SLC7A14: variants seen among roughly 807,000 people sequenced by gnomAD.
The protein encoded by SLC7A14 is solute carrier family 7 member 14.
Under a neutral mutation model 60.2 loss-of-function variants are expected in SLC7A14, and 37 were observed. That is an observed-to-expected ratio of 0.61 (90% CI 0.47 to 0.81). The LOEUF (loss-of-function observed/expected upper bound fraction) is 0.81, where lower values mean the gene tolerates loss of function less well. Among genes scored for constraint, SLC7A14 ranks in the 30% least tolerant of loss-of-function variants. SLC7A14 has a pLI of 0.00. For synonymous variants in SLC7A14, 399 were observed against 395.8 expected, an observed-to-expected ratio of 1.01 and a Z score of -0.10; for missense variants, 886 against 982.7, an observed-to-expected ratio of 0.90 and a Z score of 1.32.
chr3:170,476,236 A>T (rs757245927), intron 7 of SLC7A14, among the ~76,000 whole-genome samples: 19 of 152,236 alleles, frequency 1.2e-4, no homozygotes, highest in Non-Finnish European at 2.2e-4. Context: ...ACCCAGGGTG[A>T]TACTGATGTG....
At chr3:170,487,329 T>C (rs544761867) in intron 4 of SLC7A14, among the ~76,000 whole-genome samples, 28 of 151,558 alleles carry the variant, frequency 1.8e-4, no homozygotes, top group Admixed American at 5.3e-4. Flanking sequence ...AGTATTTTCA[T>C]TGTTAGCTCT....
chr3:170,554,518 G>A (rs1043083131), intron 1 of SLC7A14, among the ~76,000 whole-genome samples: 7 of 152,166 alleles, frequency 4.6e-5, no homozygotes, highest in Admixed American at 4.6e-4. Flanking sequence ...TCTCCACAAA[G>A]AGCCAGCACT....
At chr3:170,584,066 C>T (rs1715307918) in intron 1 of SLC7A14, among the ~76,000 whole-genome samples, 1 of 152,142 alleles carries the variant, frequency 6.6e-6, no homozygotes, top group African/African-American at 2.4e-5. Flanking sequence ...GTTTCTGTTT[C>T]CTTCTCTGTG....
chr3:170,531,215 G>T (rs1170194753), intron 1 of SLC7A14, among the ~76,000 whole-genome samples: 1 of 152,010 alleles, frequency 6.6e-6, no homozygotes. Flanking sequence ...GTTTTCCACA[G>T]GAGGCCACTA....
At chr3:170,552,733 C>T (rs1714384498) in intron 1 of SLC7A14, among the ~76,000 whole-genome samples, 1 of 152,192 alleles carries the variant, frequency 6.6e-6, no homozygotes, top group South Asian at 2.1e-4. Flanking sequence ...TCTTCTGCAT[C>T]CTTTTGCCTG....
chr3:170,517,715 T>G (rs919102651), intron 2 of SLC7A14, among the ~76,000 whole-genome samples: 1 of 152,170 alleles, frequency 6.6e-6, no homozygotes, highest in Admixed American at 6.5e-5. Context: ...TGGAGAGACA[T>G]CTGCTCAACA....
intron 1 of SLC7A14, among the ~76,000 whole-genome samples, chr3:170,573,698 A>G (rs1715010529): frequency 6.6e-6 from 1 of 152,246 alleles, no homozygotes; most frequent in Non-Finnish European, 1.5e-5. Flanking sequence ...AACAGAGAGA[A>G]CAAGACCCTG....
chr3:170,506,546 C>A (rs1455389179), intron 2 of SLC7A14, among the ~76,000 whole-genome samples: 1 of 152,134 alleles, frequency 6.6e-6, no homozygotes, highest in African/African-American at 2.4e-5. Context: ...AAATATGGTC[C>A]TTTTCAATGT....
chr3:170,549,814 C>T (rs757123704), intron 1 of SLC7A14, among the ~76,000 whole-genome samples: 15 of 152,130 alleles, frequency 9.9e-5, no homozygotes, highest in East Asian at 1.9e-4. Context: ...TAAAAATCAC[C>T]TCTCAAACCA....
At chr3:170,561,267 GCTT>G (rs1714640615) in intron 1 of SLC7A14, among the ~76,000 whole-genome samples, 1 of 152,212 alleles carries the variant, frequency 6.6e-6, no homozygotes, top group South Asian at 2.1e-4. Flanking sequence ...AGCCTAGCAA[GCTT>G]CTTGCAGCAA....
At chr3:170,527,680 G>C (rs1713554148) in intron 1 of SLC7A14, among the ~76,000 whole-genome samples, 1 of 152,066 alleles carries the variant, frequency 6.6e-6, no homozygotes, top group Non-Finnish European at 1.5e-5. Flanking sequence ...AAAATGTTTT[G>C]GGAATTTTTT....
chr3:170,477,662 A>T (rs573642911), intron 7 of SLC7A14, among the ~76,000 whole-genome samples: 39 of 152,250 alleles, frequency 2.6e-4, no homozygotes, highest in South Asian at 8.3e-4. Flanking sequence ...TAAAAAAGTC[A>T]TCTATAGTCT....
intron 1 of SLC7A14, among the ~76,000 whole-genome samples, chr3:170,543,970 G>A (rs990475285): frequency 6.6e-6 from 1 of 151,674 alleles, no homozygotes; most frequent in African/African-American, 2.4e-5. Flanking sequence ...GGCTGGTCTC[G>A]AACTCCTGAC....
At chr3:170,566,786 G>T (rs1406780743) in intron 1 of SLC7A14, among the ~76,000 whole-genome samples, 1 of 151,058 alleles carries the variant, frequency 6.6e-6, no homozygotes, top group Non-Finnish European at 1.5e-5. Context: ...AAAAAATTCT[G>T]GTGAGGATCA....
At chr3:170,572,710 T>G (rs2108315855) in intron 1 of SLC7A14, among the ~76,000 whole-genome samples, 1 of 152,380 alleles carries the variant, frequency 6.6e-6, no homozygotes, top group Middle Eastern at 3.4e-3. Context: ...AGTTAAATTC[T>G]CTACTGGCAT....
intron 4 of SLC7A14, chr3:170,495,755 C>G: frequency 8.4e-7 from 1 of 1,185,514 alleles, no homozygotes; most frequent in Non-Finnish European, 1.3e-6. Flanking sequence ...TTGCCTCCTT[C>G]ATCGACAAGG....
At chr3:170,505,243 T>C (rs1004561935) in intron 2 of SLC7A14, among the ~76,000 whole-genome samples, 1 of 152,166 alleles carries the variant, frequency 6.6e-6, no homozygotes, top group African/African-American at 2.4e-5. Flanking sequence ...AACAACAATG[T>C]TATTCATGGA....
intron 1 of SLC7A14, among the ~76,000 whole-genome samples, chr3:170,554,578 T>C (rs1053229918): frequency 5.3e-5 from 8 of 152,280 alleles, no homozygotes; most frequent in African/African-American, 1.7e-4. Flanking sequence ...ATTCACCTGC[T>C]TCAGCCTTCA....
At chr3:170,552,330 T>C (rs747214489) in intron 1 of SLC7A14, among the ~76,000 whole-genome samples, 1 of 152,194 alleles carries the variant, frequency 6.6e-6, no homozygotes, top group African/African-American at 2.4e-5. Context: ...CCTCACATTG[T>C]TGGGCATTGA....
Sources: gnomAD v4.1 joint callset for allele counts (sites outside exome capture counted in the v4.1 genomes callset) on GRCh38, gnomAD v4.1.1 for gene constraint, MANE v1.5 for transcripts, NCBI Gene and HGNC (gene_info 2026-07-23, HGNC 2026-07-21) for gene names.